The following DOCK2 variants were observed in gnomAD, a reference collection of about 807,000 sequenced individuals.
DOCK2 encodes dedicator of cytokinesis 2.
Under a neutral mutation model 248.9 loss-of-function variants are expected in DOCK2, and 87 were observed. The ratio of observed to expected loss-of-function variants is 0.35; its 90% CI spans 0.29 to 0.42. The LOEUF (loss-of-function observed/expected upper bound fraction) is 0.42, where lower values mean the gene tolerates loss of function less well. Among genes scored for constraint, DOCK2 ranks in the 10% least tolerant of loss-of-function variants. The pLI is 1.00. For synonymous variants in DOCK2, 805 were observed against 821.6 expected, an observed-to-expected ratio of 0.98 and a Z score of 0.35; for missense variants, 1,747 against 2,300.2, an observed-to-expected ratio of 0.76 and a Z score of 4.92.
At chr5:169,638,609 A>T (rs1756977951) in intron 1 of DOCK2, among the ~76,000 whole-genome samples, 1 of 152,294 alleles carries the variant, frequency 6.6e-6, no homozygotes, top group African/African-American at 2.4e-5. Context: ...CTGGCTCAAT[A>T]AGAGTTAGTG....
At chr5:169,918,837 T>C (rs944336787) in intron 27 of DOCK2, among the ~76,000 whole-genome samples, 3 of 152,158 alleles carry the variant, frequency 2.0e-5, no homozygotes, top group Admixed American at 2.0e-4. Flanking sequence ...TGCTTGAATC[T>C]GGGAGGCAGT....
intron 27 of DOCK2, among the ~76,000 whole-genome samples, chr5:169,893,292 C>A (rs1773402625): frequency 6.6e-6 from 1 of 152,162 alleles, no homozygotes; most frequent in African/African-American, 2.4e-5. Context: ...CTTGCTTTCT[C>A]CAGGGGAAAG....
chr5:169,652,303 A>T (rs1469597052), intron 1 of DOCK2, among the ~76,000 whole-genome samples: 4 of 152,246 alleles, frequency 2.6e-5, no homozygotes, highest in African/African-American at 9.6e-5. Flanking sequence ...GGCCTTGTGC[A>T]GGGCACAGCC....
intron 33 of DOCK2, among the ~76,000 whole-genome samples, chr5:170,020,536 A>G (rs886487813): frequency 2.0e-5 from 3 of 152,212 alleles, no homozygotes; most frequent in African/African-American, 4.8e-5. Context: ...GTATTAGTTC[A>G]TGCAGTCTTT....
rs749243457 is a variant in DOCK2, at chr5:169,669,380, C to A, written c.168+52C>A. Reference sequence around the variant, plus strand: ...TCAGTACTGGAGGTCTTCATATGGCCCCGCTATCCCATCTGAGCAGGTCTC... The same window carrying A: ...TCAGTACTGGAGGTCTTCATATGGCACCGCTATCCCATCTGAGCAGGTCTC... On this transcript the variant is annotated intron_variant, in intron 3 of 51. Transcript: ENST00000520908. 2.5e-6 allele frequency: 4 copies of A among 1,592,242 alleles called. No individual in the cohort carries two copies. The Admixed American group carries it at 6.7e-5, about 27-fold the overall frequency.
intron 27 of DOCK2, among the ~76,000 whole-genome samples, chr5:169,860,393 C>A (rs1771128673): frequency 6.6e-6 from 1 of 152,152 alleles, no homozygotes; most frequent in South Asian, 2.1e-4. Flanking sequence ...GAGCACCTGG[C>A]CCAATGTGTA....
chr5:169,903,823 G>A (rs1260595793), intron 27 of DOCK2, among the ~76,000 whole-genome samples: 1 of 151,992 alleles, frequency 6.6e-6, no homozygotes, highest in Non-Finnish European at 1.5e-5. Flanking sequence ...GGAGAAACTG[G>A]GCGGAGTGGC....
At chr5:169,664,390 G>C (rs1342351397) in intron 2 of DOCK2, among the ~76,000 whole-genome samples, 2 of 152,194 alleles carry the variant, frequency 1.3e-5, no homozygotes, top group Non-Finnish European at 2.9e-5. Flanking sequence ...CCTTTAAACT[G>C]TTCCAACCTC....
chr5:169,727,075 AAAAAAAG>A (rs1301452757), intron 22 of DOCK2, among the ~76,000 whole-genome samples: 5 of 151,690 alleles, frequency 3.3e-5, no homozygotes, highest in African/African-American at 1.2e-4. Context: ...CTCAAAAAAA[AAAAAAAG>A]AAAAAAGAAA....
At chr5:169,818,688 C>A (rs1039783636) in intron 26 of DOCK2, among the ~76,000 whole-genome samples, 43 of 152,152 alleles carry the variant, frequency 2.8e-4, no homozygotes, top group African/African-American at 8.9e-4. Flanking sequence ...CAGGGCCTTT[C>A]CGCAGCTTTT....
At chr5:170,023,499 A>G (rs1474115435) in intron 33 of DOCK2, among the ~76,000 whole-genome samples, 2 of 152,190 alleles carry the variant, frequency 1.3e-5, no homozygotes, top group East Asian at 3.9e-4. Context: ...AGCTGAATCA[A>G]TGTGGGTAAG....
intron 26 of DOCK2, among the ~76,000 whole-genome samples, chr5:169,806,983 G>T (rs951719663): frequency 5.9e-5 from 9 of 151,854 alleles, no homozygotes; most frequent in Admixed American, 2.6e-4. Flanking sequence ...CAAGAGATCC[G>T]GAACCGCTGA....
In DOCK2 at chr5:170,077,718, T is replaced by C. The variant is rs540837805; in HGVS notation, c.4875T>C (p.Phe1625=). 4 of 1,613,776 alleles carry C rather than the reference T, an allele frequency of 2.5e-6. No homozygotes were observed. The highest frequency in any genetic ancestry group is 1.7e-6 in the Non-Finnish European group (2 of 1,179,854). ...KEYGVREMPD[F]DDRRVGRPRS... ...CTGTTCTCCCACCACAGCCTGACTT[T>C]GACGACAGGAGAGTGGGCCGTCCCA... Residue 1625 remains phenylalanine, a synonymous_variant, in exon 48 of 52, where the codon TTT becomes TTC. Coordinates refer to ENST00000520908, the MANE Select transcript of DOCK2 (RefSeq NM_004946.3).
chr5:169,641,012 A>T (rs894592348), intron 1 of DOCK2, among the ~76,000 whole-genome samples: 2 of 152,204 alleles, frequency 1.3e-5, no homozygotes, highest in Non-Finnish European at 2.9e-5. Context: ...CCCAGCTGCC[A>T]GTGGTTTGCT....
intron 27 of DOCK2, among the ~76,000 whole-genome samples, chr5:169,914,756 A>G (rs1774784451): frequency 6.6e-6 from 1 of 152,178 alleles, no homozygotes; most frequent in South Asian, 2.1e-4. Context: ...AGGGTCTTTT[A>G]GCCACCTTTG....
chr5:169,903,548 G>A (rs565334215), intron 27 of DOCK2, among the ~76,000 whole-genome samples: 5 of 151,762 alleles, frequency 3.3e-5, no homozygotes, highest in Admixed American at 6.6e-5. Flanking sequence ...GGGGGCGTTC[G>A]GGTGGGCACA....
rs1368737779 is a variant in DOCK2 at position 170,041,155 on chromosome 5, C to A, written c.3756+10C>A. 1.2e-6 allele frequency: 2 copies of A among 1,611,310 alleles called. No homozygotes were observed. The highest frequency in any genetic ancestry group is 1.7e-6 in the Non-Finnish European group (2 of 1,177,582). On this transcript the variant is annotated intron_variant, in intron 37 of 51. Coordinates refer to ENST00000520908, the MANE Select transcript of DOCK2 (RefSeq NM_004946.3). ...CACCTGGCTTCTCAAGGTACAGTCA[C>A]TTTGGGTGAAGGGCATTTATGCTGG...
intron 32 of DOCK2, among the ~76,000 whole-genome samples, chr5:170,010,350 T>C (rs1171468777): frequency 6.6e-6 from 1 of 152,144 alleles, no homozygotes; most frequent in Non-Finnish European, 1.5e-5. Context: ...GACTGGGATA[T>C]AGGAAATAAT....
At chr5:169,930,463 C>G (rs1161500806) in intron 27 of DOCK2, among the ~76,000 whole-genome samples, 1 of 152,148 alleles carries the variant, frequency 6.6e-6, no homozygotes, top group African/African-American at 2.4e-5. Context: ...GACAATTTCC[C>G]TTCTCCTCTG....
Sources: allele counts gnomAD v4.1 joint callset (sites outside exome capture counted in the v4.1 genomes callset), GRCh38; gene constraint gnomAD v4.1.1; transcripts MANE v1.5; gene names NCBI Gene and HGNC (gene_info 2026-07-23, HGNC 2026-07-21).